PTCHD4: variants seen among roughly 807,000 people sequenced by gnomAD.
PTCHD4 encodes the protein patched domain-containing protein 4.
A neutral mutation model predicts 58.1 loss-of-function variants in PTCHD4; 33 were observed. The observed-to-expected ratio is 0.57, with a 90% CI of 0.43 to 0.76. PTCHD4 has a LOEUF of 0.76. Among genes scored for constraint, PTCHD4 ranks in the 30% least tolerant of loss-of-function variants. PTCHD4 has a pLI of 0.00. For missense variants in PTCHD4, 1,058 were observed against 1,027.1 expected (o/e 1.03, Z -0.41); for synonymous variants, 478 against 409.6 (o/e 1.17, Z -2.02).
At chr6:47,998,106 C>T (rs1380056460) in intron 4 of PTCHD4, among the ~76,000 whole-genome samples, 5 of 152,248 alleles carry the variant, frequency 3.3e-5, no homozygotes, top group East Asian at 3.9e-4. Context: ...GCAATTGCAG[C>T]TGTCCTGCAC....
chr6:47,887,304 A>T (rs1764222669), intron 4 of PTCHD4, among the ~76,000 whole-genome samples: 1 of 150,780 alleles, frequency 6.6e-6, no homozygotes, highest in African/African-American at 2.4e-5. Flanking sequence ...GGAATTAAAT[A>T]TAAATTATAA....
intron 3 of PTCHD4, among the ~76,000 whole-genome samples, chr6:48,012,271 T>G (rs1393386481): frequency 6.6e-6 from 1 of 152,214 alleles, no homozygotes; most frequent in Admixed American, 6.5e-5. Context: ...TAGTTCTCCT[T>G]GAAGAGGTCC....
chr6:47,924,950 A>G (rs962451175), intron 4 of PTCHD4, among the ~76,000 whole-genome samples: 2 of 144,414 alleles, frequency 1.4e-5, no homozygotes, highest in Non-Finnish European at 3.0e-5. Flanking sequence ...CATTTTATAT[A>G]TAAAAAAGCA....
chr6:48,010,049 T>A (rs1402742509), intron 3 of PTCHD4, among the ~76,000 whole-genome samples: 2 of 152,228 alleles, frequency 1.3e-5, no homozygotes, highest in Non-Finnish European at 2.9e-5. Context: ...CTCGAAGAGC[T>A]GTCAACAAAT....
chr6:47,890,602 A>G (rs961952072), intron 4 of PTCHD4, among the ~76,000 whole-genome samples: 1 of 152,210 alleles, frequency 6.6e-6, no homozygotes, highest in African/African-American at 2.4e-5. Context: ...AGTGCTGCCA[A>G]CTGCAGGACG....
chr6:47,869,272 A>G lies in PTCHD4; in HGVS notation c.*9031T>C, dbSNP rs1393389578. On this transcript the variant is annotated 3_prime_UTR_variant, in exon 5 of 5. Transcript: ENST00000339488. Reference sequence around the variant, plus strand: ...ATTATGCCCCAGCTTGAAACTGTATAGCGTGCAGCCAAAGGGATGTGCTTT... The same window carrying G: ...ATTATGCCCCAGCTTGAAACTGTATGGCGTGCAGCCAAAGGGATGTGCTTT... Among the ~76,000 whole-genome samples, 1 of 151,742 alleles carries G rather than the reference A, an allele frequency of 6.6e-6. No individual in the cohort carries two copies. The highest frequency in any genetic ancestry group is 2.4e-5 in the African/African-American group (1 of 41,366).
intron 1 of PTCHD4, among the ~76,000 whole-genome samples, chr6:48,096,377 C>T (rs942208057): frequency 6.6e-5 from 10 of 152,018 alleles, no homozygotes; most frequent in African/African-American, 1.9e-4. Flanking sequence ...TTTAGGAGGC[C>T]GAGGTTGGCA....
At position 47,918,052 on chromosome 6, in the gene PTCHD4, G is replaced by A. The variant is rs202028399; in HGVS notation, c.899-38116C>T. Among the ~76,000 whole-genome samples the A allele has an allele frequency of 3.0e-4, 46 of 152,122 alleles. No individual in the cohort carries two copies. The East Asian group carries it at 7.6e-3, about 25-fold the overall frequency. ...AGCAGAGGAAACAGCTTCTAAGTAC[G>A]TGTTTTCTATCTTAGACTCAACACA... On this transcript the variant is annotated intron_variant, in intron 4 of 4. Transcript: ENST00000339488.
intron 1 of PTCHD4, among the ~76,000 whole-genome samples, chr6:48,074,381 C>A (rs1454960650): frequency 6.6e-6 from 1 of 152,212 alleles, no homozygotes; most frequent in East Asian, 1.9e-4. Context: ...ACAGCTTGAG[C>A]TCTGTGCTCA....
chr6:47,912,953 C>T (rs1236652847), intron 4 of PTCHD4, among the ~76,000 whole-genome samples: 2 of 152,100 alleles, frequency 1.3e-5, no homozygotes, highest in Non-Finnish European at 2.9e-5. Flanking sequence ...CATGTGATTG[C>T]TCAAGATGAG....
At position 47,869,586 on chromosome 6, in the gene PTCHD4, G is replaced by A. The variant is rs114890803; in HGVS notation, c.*8717C>T. 3.5e-3 allele frequency among the ~76,000 whole-genome samples: 526 copies of A among 151,574 alleles called. 7 individuals carry two copies. Among genetic ancestry groups the A allele is most frequent in the African/African-American group, 0.012 (494 of 41,424 alleles). On this transcript the variant is annotated 3_prime_UTR_variant, in exon 5 of 5. Coordinates refer to ENST00000339488, the MANE Select transcript of PTCHD4 (RefSeq NM_001384253.1). The stretch of plus-strand genomic sequence containing the variant: ...TGTTTTAGAGACATTTGTGAACTTA[G>A]GGATTCATAAAAATATCTCTCAGGA...
chr6:47,966,492 A>G (rs776406029), intron 4 of PTCHD4, among the ~76,000 whole-genome samples: 1 of 152,214 alleles, frequency 6.6e-6, no homozygotes, highest in African/African-American at 2.4e-5. Flanking sequence ...TGATTGTCAC[A>G]ATTTCTTAAA....
Position 47,875,345 on chromosome 6 carries a change from T to G in PTCHD4, c.*2958A>C, listed in dbSNP as rs1022063934. On this transcript the variant is annotated 3_prime_UTR_variant, in exon 5 of 5. Coordinates refer to ENST00000339488, the MANE Select transcript of PTCHD4 (RefSeq NM_001384253.1). ...GGGATTGGGGGTGACCTGCAAGTCATGATCTCATATCTTAGGATGTATCTT... is the reference window on the plus strand; with the variant it reads ...GGGATTGGGGGTGACCTGCAAGTCAGGATCTCATATCTTAGGATGTATCTT... 6.6e-6 allele frequency among the ~76,000 whole-genome samples: 1 copy of G among 151,808 alleles called. No homozygotes were observed. Among genetic ancestry groups the G allele is most frequent in the African/African-American group, 2.4e-5 (1 of 41,374 alleles).
intron 4 of PTCHD4, among the ~76,000 whole-genome samples, chr6:47,982,778 C>T (rs550534617): frequency 6.6e-6 from 1 of 152,250 alleles, no homozygotes; most frequent in African/African-American, 2.4e-5. Flanking sequence ...TGAGCCACCG[C>T]ACCCAGCCGT....
In PTCHD4 at chr6:47,879,318, T is replaced by C. The variant is rs1763946650; in HGVS notation, c.1517A>G (p.Gln506Arg). The C allele has an allele frequency of 6.2e-7, 1 of 1,612,900 alleles. No homozygotes were observed. Among genetic ancestry groups the C allele is most frequent in the Admixed American group, 1.7e-5 (1 of 59,794 alleles). ...AGGGCTATAGTTGCTGAAATATTTCTGCTGAACCATGGCATAGGAAACACT... is the reference window on the plus strand; with the variant it reads ...AGGGCTATAGTTGCTGAAATATTTCCGCTGAACCATGGCATAGGAAACACT... Reference protein sequence around the residue: ...SPSVSYAMVQQKYFSNYSPVI... With the variant: ...SPSVSYAMVQRKYFSNYSPVI... Residue 506 changes from glutamine (Q) to arginine (R), a missense_variant, in exon 5 of 5, where the codon CAG (glutamine) becomes CGG (arginine). Gln to Arg is a conservative substitution (Grantham distance 43). Transcript: ENST00000339488.
chr6:48,038,361 G>T (rs923585476), intron 3 of PTCHD4, among the ~76,000 whole-genome samples: 1 of 152,054 alleles, frequency 6.6e-6, no homozygotes, highest in East Asian at 1.9e-4. Context: ...ATCTCTAGAG[G>T]CTGCATGTGG....
Position 47,877,668 on chromosome 6 carries a change from G to C in PTCHD4, c.*635C>G, listed in dbSNP as rs561127447. On this transcript the variant is annotated 3_prime_UTR_variant, in exon 5 of 5. Transcript: ENST00000339488. ...GGCTATTAATGAATCTATAAATTTG[G>C]CTAAGGTTGATTTGACTTTCTAGGG... is the stretch of plus-strand genomic sequence containing the variant. Among the ~76,000 whole-genome samples, 11 of 152,070 alleles carry C rather than the reference G, an allele frequency of 7.2e-5. No individual in the cohort carries two copies. The highest frequency in any genetic ancestry group is 2.4e-4 in the African/African-American group (10 of 41,508).
intron 4 of PTCHD4, among the ~76,000 whole-genome samples, chr6:48,007,831 TATC>T (rs1043839437): frequency 6.6e-6 from 1 of 152,204 alleles, no homozygotes; most frequent in Admixed American, 6.5e-5. Flanking sequence ...CAGCTATCAC[TATC>T]ATCATCTCTT....
intron 4 of PTCHD4, among the ~76,000 whole-genome samples, chr6:47,930,802 A>G (rs1034481434): frequency 6.6e-6 from 1 of 152,036 alleles, no homozygotes; most frequent in African/African-American, 2.4e-5. Context: ...ATTTATTATT[A>G]TTATTTTTTG....
Sources: gnomAD v4.1 joint callset for allele counts (sites outside exome capture counted in the v4.1 genomes callset) on GRCh38, gnomAD v4.1.1 for gene constraint, MANE v1.5 for transcripts, NCBI Gene and HGNC (gene_info 2026-07-23, HGNC 2026-07-21) for gene names.